The following SLC9B2 variants were observed in gnomAD, a reference collection of about 807,000 sequenced individuals.
SLC9B2 encodes the protein solute carrier family 9 member B2, also known as sodium/hydrogen exchanger 9B2.
SLC9B2 carries 39 observed loss-of-function variants against 52.2 expected under a neutral mutation model. The ratio of observed to expected loss-of-function variants is 0.75; its 90% CI spans 0.58 to 0.98. The LOEUF is 0.98. SLC9B2 is among the 50% of genes least tolerant of loss of function. The probability of loss-of-function intolerance (pLI) is 0.00; values close to 1 mark genes in which losing one functional copy is unlikely to be tolerated. For synonymous variants in SLC9B2, 214 were observed against 227.0 expected, an observed-to-expected ratio of 0.94 and a Z score of 0.51; for missense variants, 626 against 637.5, an observed-to-expected ratio of 0.98 and a Z score of 0.19.
downstream of SLC9B2, among the ~76,000 whole-genome samples, chr4:103,021,547 T>A (rs145017823): frequency 6.6e-6 from 1 of 152,310 alleles, no homozygotes; most frequent in African/African-American, 2.4e-5. Flanking sequence ...TAAAAATAAG[T>A]AAATTGATTA....
At chr4:103,033,969 T>C (rs528446458) in intron 9 of SLC9B2, among the ~76,000 whole-genome samples, 225 of 152,274 alleles carry the variant, frequency 1.5e-3, no homozygotes, top group African/African-American at 5.1e-3. Context: ...AAAATTCATT[T>C]GGAGCCAAAA....
At chr4:103,035,799 C>T (rs13130741) in intron 9 of SLC9B2, among the ~76,000 whole-genome samples, 86,915 of 151,896 alleles carry the variant, frequency 0.57, 26,034 homozygotes, top group African/African-American at 0.77. Flanking sequence ...ATAGAAATCA[C>T]CCTACCATTA....
In SLC9B2 at chr4:103,023,975, C is replaced by G. The variant is rs1298628719; in HGVS notation, c.*2395G>C. On this transcript the variant is annotated 3_prime_UTR_variant, in exon 12 of 12. Coordinates refer to ENST00000394785, the MANE Select transcript of SLC9B2 (RefSeq NM_178833.7). ...TGTAACACTTTTTGGTCTTACATCC[C>G]TTTTGCTGGCTAAGTCCTAATCTTC... Among the ~76,000 whole-genome samples the G allele has an allele frequency of 1.3e-5, 2 of 152,166 alleles. No individual in the cohort carries two copies. Among genetic ancestry groups the G allele is most frequent in the Admixed American group, 6.5e-5 (1 of 15,270 alleles).
At position 103,047,233 on chromosome 4, in the gene SLC9B2, A is replaced by C; in HGVS notation, c.714-7T>G. 6.2e-7 allele frequency: 1 copy of C among 1,605,342 alleles called. No homozygotes were observed. The highest frequency in any genetic ancestry group is 8.5e-7 in the Non-Finnish European group (1 of 1,174,934). ...TACAGCACCTAAAACAAAACTAGGC[A>C]GACAGCATTTTAAACATTTATGATA... On this transcript the variant is annotated splice_polypyrimidine_tract_variant and splice_region_variant and intron_variant, in intron 6 of 11. Transcript: ENST00000394785.
At chr4:103,049,218 G>A (rs1744445349) in intron 5 of SLC9B2, among the ~76,000 whole-genome samples, 198 bp from the exon 6 acceptor site, 1 of 152,130 alleles carries the variant, frequency 6.6e-6, no homozygotes, top group Non-Finnish European at 1.5e-5. Context: ...AACCTTATAA[G>A]ATAGGTAATA....
intron 9 of SLC9B2, among the ~76,000 whole-genome samples, chr4:103,039,993 T>C (rs903368360): frequency 2.6e-5 from 4 of 152,156 alleles, no homozygotes; most frequent in African/African-American, 9.7e-5. Context: ...TTTTTGTCCT[T>C]ATTTTTGACC....
intron 1 of SLC9B2, among the ~76,000 whole-genome samples, chr4:103,075,298 C>T (rs1747020852): frequency 6.6e-6 from 1 of 152,124 alleles, no homozygotes; most frequent in East Asian, 1.9e-4. Flanking sequence ...TACGGGCGTG[C>T]ACCACCATGC....
intron 3 of SLC9B2, among the ~76,000 whole-genome samples, chr4:103,060,864 G>A (rs1365417478): frequency 6.6e-6 from 1 of 152,144 alleles, no homozygotes; most frequent in African/African-American, 2.4e-5. Flanking sequence ...GACAAATCAG[G>A]ATGAAGTTAA....
intron 6 of SLC9B2, among the ~76,000 whole-genome samples, chr4:103,047,896 C>G (rs151126648): frequency 1.5e-3 from 231 of 152,228 alleles, no homozygotes; most frequent in South Asian, 6.2e-3. Flanking sequence ...TAGCCATAGA[C>G]AACTTGCTTC....
intron 5 of SLC9B2, 130 bp from the exon 6 acceptor site, chr4:103,049,150 T>G: frequency 1.8e-6 from 2 of 1,085,678 alleles, no homozygotes; most frequent in South Asian, 1.9e-5. Flanking sequence ...ATGAGTTGTA[T>G]TTAACAAACA....
chr4:103,032,738 C>T (rs926037423), intron 9 of SLC9B2, among the ~76,000 whole-genome samples: 2 of 152,078 alleles, frequency 1.3e-5, no homozygotes, highest in East Asian at 1.9e-4. Context: ...GGGGCAGTTT[C>T]GTAGCAGATT....
intron 3 of SLC9B2, among the ~76,000 whole-genome samples, chr4:103,058,790 CATGGTGGTTT>C (rs142167699): frequency 0.044 from 6,625 of 151,644 alleles, 433 homozygotes; most frequent in African/African-American, 0.15. Flanking sequence ...ATAGGCCAGG[CATGGTGGTTT>C]ATGCCTGTCC....
Position 103,026,585 on chromosome 4 carries a change from T to C in SLC9B2, c.1399A>G (p.Ile467Val). Residue 467 changes from isoleucine to valine, a missense_variant, in exon 12 of 12, where the codon ATA (isoleucine) becomes GTA (valine). Ile to Val is a conservative substitution (Grantham distance 29). Transcript: ENST00000394785. ...GCTGTGTCCAAAGCCACAGATCCTA[T>C]TGCAGCCTATAAAAGTTTAAGGGTA... ...WLPKATVQAA[I>V]GSVALDTARS... 1 of 1,610,038 alleles carries C rather than the reference T, an allele frequency of 6.2e-7. No homozygotes were observed. The highest frequency in any genetic ancestry group is 2.2e-5 in the East Asian group (1 of 44,784).
intron 1 of SLC9B2, among the ~76,000 whole-genome samples, chr4:103,067,833 A>G (rs1746283515): frequency 6.6e-6 from 1 of 151,998 alleles, no homozygotes; most frequent in Non-Finnish European, 1.5e-5. Context: ...CATTTTTATG[A>G]TTTCTTTCCC....
intron 1 of SLC9B2, among the ~76,000 whole-genome samples, chr4:103,074,078 G>A (rs1217656204): frequency 2.0e-5 from 3 of 152,164 alleles, no homozygotes; most frequent in African/African-American, 4.8e-5. Flanking sequence ...AATAAAGACA[G>A]AGAGAGAGGA....
intron 3 of SLC9B2, among the ~76,000 whole-genome samples, chr4:103,060,831 T>C (rs1745576562): frequency 6.6e-6 from 1 of 152,220 alleles, no homozygotes; most frequent in Non-Finnish European, 1.5e-5. Flanking sequence ...ATTTTCAAAT[T>C]GAATTTTTTC....
In SLC9B2 at chr4:103,026,360, C is replaced by G. The variant is rs540764742; in HGVS notation, c.*10G>C. Reference sequence around the variant, plus strand: ...CTAAACATTATGTTCAGCACTCTCTCTTTTCACCTCTAAACTTGCACAGAA... The same window carrying G: ...CTAAACATTATGTTCAGCACTCTCTGTTTTCACCTCTAAACTTGCACAGAA... On this transcript the variant is annotated 3_prime_UTR_variant, in exon 12 of 12. Transcript: ENST00000394785. The G allele has an allele frequency of 1.4e-4, 224 of 1,598,558 alleles. No homozygotes were observed. Among genetic ancestry groups the G allele is most frequent in the Non-Finnish European group, 1.7e-4 (202 of 1,171,318 alleles).
chr4:103,067,330 C>G, intron 2 of SLC9B2, 131 bp downstream of exon 2: 1 of 720,506 alleles, frequency 1.4e-6, no homozygotes, highest in Non-Finnish European at 2.4e-6. Flanking sequence ...GTAGGGTCAG[C>G]TGGCAATGAT....
Position 103,026,703 on chromosome 4 carries a change from A to G in SLC9B2, c.1393-112T>C, listed in dbSNP as rs113008483. 7.4e-5 allele frequency: 72 copies of G among 968,296 alleles called. No homozygotes were observed. The African/African-American group carries it at 1.1e-3, about 15-fold the overall frequency. 60.0% of individuals were successfully genotyped at this position (968,296 alleles called of 1,614,324 possible). ...TTGCTTGTTCTTTTGCTCAACTAAG[A>G]AAGTTGTAAGCATCAGGAGATATAC... On this transcript the variant is annotated intron_variant, in intron 11 of 11. Transcript: ENST00000394785.
Sources: gnomAD v4.1 joint callset for allele counts (sites outside exome capture counted in the v4.1 genomes callset) on GRCh38, gnomAD v4.1.1 for gene constraint, MANE v1.5 for transcripts, NCBI Gene and HGNC (gene_info 2026-07-23, HGNC 2026-07-21) for gene names.